The following NCOA1 variants were observed in gnomAD, a reference collection of about 807,000 sequenced individuals.
The protein encoded by NCOA1 is Hin-2 protein.
NCOA1 carries 35 observed loss-of-function variants against 150.9 expected under a neutral mutation model. The ratio of observed to expected loss-of-function variants is 0.23; its 90% CI spans 0.18 to 0.31. The LOEUF (loss-of-function observed/expected upper bound fraction) is 0.31, where lower values mean the gene tolerates loss of function less well. NCOA1 is among the 10% of genes least tolerant of loss of function. NCOA1 has a pLI of 1.00. For synonymous variants in NCOA1, 590 were observed against 630.0 expected, an observed-to-expected ratio of 0.94 and a Z score of 0.95; for missense variants, 1,491 against 1,749.3, an observed-to-expected ratio of 0.85 and a Z score of 2.63.
chr2:24,759,309 A>G (rs1664660144), intron 21 of NCOA1, among the ~76,000 whole-genome samples: 1 of 152,258 alleles, frequency 6.6e-6, no homozygotes. Flanking sequence ...AAAAGGCATT[A>G]TGAAAAAGTT....
intron 17 of NCOA1, among the ~76,000 whole-genome samples, chr2:24,735,845 C>T (rs1464047825): frequency 1.3e-5 from 2 of 152,056 alleles, no homozygotes; most frequent in African/African-American, 2.4e-5. Flanking sequence ...GAAATATATC[C>T]GTAATATCAG....
chr2:24,670,558 G>C (rs1671637473), intron 6 of NCOA1, among the ~76,000 whole-genome samples: 1 of 152,118 alleles, frequency 6.6e-6, no homozygotes, highest in Non-Finnish European at 1.5e-5. Flanking sequence ...CTAAGCCAAA[G>C]AAGAAGCCGA....
rs543232142 is a variant in NCOA1, at chr2:24,741,727, C to T, written c.3304-57C>T. Reference sequence around the variant, plus strand: ...AGTAGGCCTTAATCCAATGAACTTTCCAGGATAGATAGTGATTATAATAAT... The same window carrying T: ...AGTAGGCCTTAATCCAATGAACTTTTCAGGATAGATAGTGATTATAATAAT... On this transcript the variant is annotated intron_variant, in intron 18 of 22. Transcript: ENST00000348332. 22 of 1,524,280 alleles carry T rather than the reference C, an allele frequency of 1.4e-5. No individual in the cohort carries two copies. The African/African-American group carries it at 3.1e-4, about 21-fold the overall frequency. 94.4% of individuals were successfully genotyped at this position (1,524,280 alleles called of 1,614,324 possible).
chr2:24,670,553 C>T (rs780511990), intron 6 of NCOA1, among the ~76,000 whole-genome samples: 20 of 152,056 alleles, frequency 1.3e-4, no homozygotes, highest in Non-Finnish European at 2.5e-4. Context: ...ACATGCTAAG[C>T]CAAAGAAGAA....
intron 1 of NCOA1, among the ~76,000 whole-genome samples, chr2:24,561,285 A>G (rs951138777): frequency 6.6e-6 from 1 of 152,212 alleles, no homozygotes; most frequent in Non-Finnish European, 1.5e-5. Context: ...GACTTCTTAG[A>G]TATAGGTTTC....
intron 1 of NCOA1, among the ~76,000 whole-genome samples, chr2:24,513,540 C>G (rs1664025392): frequency 6.6e-6 from 1 of 152,002 alleles, no homozygotes; most frequent in South Asian, 2.1e-4. Flanking sequence ...CCTGAACATA[C>G]TGGTTGTGAA....
chr2:24,707,413 C>G lies in NCOA1; in HGVS notation c.1943C>G (p.Ala648Gly). The G allele has an allele frequency of 6.2e-7, 1 of 1,614,210 alleles. No homozygotes were observed. Among genetic ancestry groups the G allele is most frequent in the Non-Finnish European group, 8.5e-7 (1 of 1,180,032 alleles). The change falls in exon 13 of 23, where the codon GCT becomes GGT. Residue 648 changes from alanine to glycine, a missense_variant. Around this residue, in one of 8 missense-constraint regions of NCOA1, gnomAD observed 703 missense variants for 717.7 expected, o/e 0.98. Transcript: ENST00000348332. ...ACTGCCGAACAGCAGTTACGGCATG[C>G]TGATATAGACACAAGCTGCAAAGAT... ...TTTAEQQLRH[A>G]DIDTSCKDVL...
At chr2:24,577,501 G>C (rs1667038976) in intron 2 of NCOA1, among the ~76,000 whole-genome samples, 1 of 152,074 alleles carries the variant, frequency 6.6e-6, no homozygotes, top group Admixed American at 6.6e-5. Flanking sequence ...TTCCTTACCT[G>C]TGCTTGCTTT....
At chr2:24,727,566 A>G (rs1662758876) in intron 15 of NCOA1, among the ~76,000 whole-genome samples, 1 of 152,194 alleles carries the variant, frequency 6.6e-6, no homozygotes, top group South Asian at 2.1e-4. Flanking sequence ...ACTAGATAGT[A>G]TTGATTGTGG....
intron 8 of NCOA1, among the ~76,000 whole-genome samples, chr2:24,688,836 G>A (rs1672531182): frequency 6.6e-6 from 1 of 152,120 alleles, no homozygotes; most frequent in Non-Finnish European, 1.5e-5. Context: ...TATGTCCAGA[G>A]TGGTATTGCC....
intron 1 of NCOA1, among the ~76,000 whole-genome samples, chr2:24,493,737 T>C (rs934014067): frequency 6.6e-6 from 1 of 152,216 alleles, no homozygotes; most frequent in Non-Finnish European, 1.5e-5. Flanking sequence ...GTTTCATTTC[T>C]AGAAATCTGG....
chr2:24,763,857 G>A (rs1664920136), intron 22 of NCOA1, among the ~76,000 whole-genome samples: 1 of 151,778 alleles, frequency 6.6e-6, no homozygotes, highest in African/African-American at 2.4e-5. Context: ...CCTGACCTAA[G>A]GTGATCCACC....
At chr2:24,559,443 T>C (rs1666209269) in intron 1 of NCOA1, among the ~76,000 whole-genome samples, 1 of 152,212 alleles carries the variant, frequency 6.6e-6, no homozygotes, top group Non-Finnish European at 1.5e-5. Context: ...CATCTGTGCA[T>C]AGAAGTACCA....
chr2:24,519,376 G>C (rs1664330283), intron 1 of NCOA1, among the ~76,000 whole-genome samples: 1 of 152,176 alleles, frequency 6.6e-6, no homozygotes, highest in Non-Finnish European at 1.5e-5. Flanking sequence ...GGCTAGGCTG[G>C]AAGGACTGGG....
chr2:24,599,361 T>C (rs553958061), intron 3 of NCOA1, among the ~76,000 whole-genome samples: 14 of 152,310 alleles, frequency 9.2e-5, no homozygotes, highest in African/African-American at 3.4e-4. Flanking sequence ...TATTATAAAC[T>C]TCATAGTATA....
intron 4 of NCOA1, among the ~76,000 whole-genome samples, 179 bp from the exon 5 acceptor site, chr2:24,658,482 A>G (rs146878091): frequency 6.5e-4 from 99 of 152,304 alleles, no homozygotes; most frequent in African/African-American, 2.3e-3. Flanking sequence ...GTATAGAAAC[A>G]CTATCTGATG....
At chr2:24,766,618 GAGAGAACAGGA>G (rs1665078522) in intron 22 of NCOA1, among the ~76,000 whole-genome samples, 1 of 152,138 alleles carries the variant, frequency 6.6e-6, no homozygotes, top group Admixed American at 6.6e-5. Context: ...GGTAAGACAG[GAGAGAACAGGA>G]AGAGAACAGA....
At chr2:24,522,995 T>C (rs1195891641) in intron 1 of NCOA1, among the ~76,000 whole-genome samples, 2 of 152,198 alleles carry the variant, frequency 1.3e-5, no homozygotes, top group Non-Finnish European at 2.9e-5. Flanking sequence ...TGAGTGCTTA[T>C]CTTATATCAG....
At chr2:24,719,460 A>G (rs568202971) in intron 14 of NCOA1, among the ~76,000 whole-genome samples, 12 of 152,344 alleles carry the variant, frequency 7.9e-5, no homozygotes, top group African/African-American at 2.2e-4. Context: ...TTATACATCA[A>G]TGAAGTTTAG....
Sources: gnomAD v4.1 joint callset for allele counts (sites outside exome capture counted in the v4.1 genomes callset) on GRCh38, gnomAD v4.1.1 for gene constraint, gnomAD v4.1.1 regional missense constraint, MANE v1.5 for transcripts, NCBI Gene and HGNC (gene_info 2026-07-23, HGNC 2026-07-21) for gene names.